ACER2: variants seen among roughly 807,000 people sequenced by gnomAD.
ACER2 encodes alkCDase 2.
ACER2 carries 26 observed loss-of-function variants against 34.7 expected under a neutral mutation model. That is an observed-to-expected ratio of 0.75 (90% CI 0.55 to 1.04). The LOEUF (loss-of-function observed/expected upper bound fraction) is 1.04, where lower values mean the gene tolerates loss of function less well. ACER2 is among the 50% of genes least tolerant of loss of function. ACER2 has a pLI of 0.00. For missense variants in ACER2, 352 were observed against 340.8 expected, an observed-to-expected ratio of 1.03 and a Z score of -0.26; for synonymous variants, 138 against 132.1, an observed-to-expected ratio of 1.04 and a Z score of -0.31.
intron 4 of ACER2, among the ~76,000 whole-genome samples, chr9:19,443,093 C>A (rs796083302): frequency 6.6e-6 from 1 of 152,144 alleles, no homozygotes; most frequent in Non-Finnish European, 1.5e-5. Context: ...TGCAGTGGCG[C>A]GATCTCGGCT....
intron 4 of ACER2, among the ~76,000 whole-genome samples, chr9:19,438,364 T>A (rs1347938745): frequency 2.0e-5 from 3 of 152,220 alleles, no homozygotes; most frequent in Non-Finnish European, 4.4e-5. Context: ...CTTCCTATTG[T>A]ATCTGTTTTT....
rs192232678 is a variant in ACER2, at chr9:19,424,679, A to G, written c.224-21A>G. Reference sequence around the variant, plus strand: ...GTCTCTTCTGTGGTGACCTTTTTTTATTGGTTGTAATTGATTCTAGGAATT... The same window carrying G: ...GTCTCTTCTGTGGTGACCTTTTTTTGTTGGTTGTAATTGATTCTAGGAATT... On this transcript the variant is annotated intron_variant, in intron 2 of 5. Coordinates refer to ENST00000340967, the MANE Select transcript of ACER2 (RefSeq NM_001010887.3). 5.8e-5 allele frequency: 93 copies of G among 1,610,382 alleles called. 1 individual carries two copies. In the East Asian group the frequency reaches 1.1e-3, roughly 19 times the overall value.
At chr9:19,431,443 T>C (rs898026545) in intron 3 of ACER2, among the ~76,000 whole-genome samples, 1 of 152,206 alleles carries the variant, frequency 6.6e-6, no homozygotes, top group African/African-American at 2.4e-5. Flanking sequence ...AGAGAGGTGA[T>C]GCACTTTGGG....
In ACER2 at chr9:19,445,282, G is replaced by A. The variant is rs1831318942; in HGVS notation, c.504-999G>A. 2.6e-5 allele frequency among the ~76,000 whole-genome samples: 4 copies of A among 152,234 alleles called. No individual in the cohort carries two copies. The South Asian group carries it at 8.3e-4, about 31-fold the overall frequency. ...TTTTTCAGAAAACCATTTTGTCCCAGTGTGTGTAAGAAGTTATTCCTTCAT... is the reference window on the plus strand; with the variant it reads ...TTTTTCAGAAAACCATTTTGTCCCAATGTGTGTAAGAAGTTATTCCTTCAT... On this transcript the variant is annotated intron_variant, in intron 4 of 5. Coordinates refer to ENST00000340967, the MANE Select transcript of ACER2 (RefSeq NM_001010887.3).
In ACER2 at chr9:19,421,189, C is replaced by T. The variant is rs542174787; in HGVS notation, c.109-2673C>T. Among the ~76,000 whole-genome samples the T allele has an allele frequency of 3.3e-5, 5 of 152,250 alleles. No homozygotes were observed. In the South Asian group the frequency reaches 1.0e-3, roughly 32 times the overall value. On this transcript the variant is annotated intron_variant, in intron 1 of 5. Coordinates refer to ENST00000340967, the MANE Select transcript of ACER2 (RefSeq NM_001010887.3). ...TCAGGAAAAATGTGGCATAAAAGCTCCATTATAATATGGGTCCACTGTCAT... is the reference window on the plus strand; with the variant it reads ...TCAGGAAAAATGTGGCATAAAAGCTTCATTATAATATGGGTCCACTGTCAT...
chr9:19,435,597 C>G (rs1303192734), intron 4 of ACER2, among the ~76,000 whole-genome samples: 3 of 152,110 alleles, frequency 2.0e-5, no homozygotes, highest in Non-Finnish European at 4.4e-5. Flanking sequence ...TACTCAAATG[C>G]AAAAATCAGC....
intron 1 of ACER2, among the ~76,000 whole-genome samples, chr9:19,412,250 G>A (rs1830107511): frequency 6.6e-6 from 1 of 152,098 alleles, no homozygotes; most frequent in Non-Finnish European, 1.5e-5. Flanking sequence ...ATATGATCAT[G>A]GTAAAAAATT....
At chr9:19,410,932 TC>T (rs1563869411) in intron 1 of ACER2, among the ~76,000 whole-genome samples, 1 of 152,054 alleles carries the variant, frequency 6.6e-6, no homozygotes, top group Non-Finnish European at 1.5e-5. Context: ...TCACCAGAGT[TC>T]AAGAAGAAAA....
chr9:19,420,039 G>C (rs1294436093), intron 1 of ACER2, among the ~76,000 whole-genome samples: 2 of 152,172 alleles, frequency 1.3e-5, no homozygotes, highest in African/African-American at 2.4e-5. Flanking sequence ...GAAGCTGCCA[G>C]TCCTCACTTG....
At chr9:19,437,531 C>G (rs1459499873) in intron 4 of ACER2, among the ~76,000 whole-genome samples, 1 of 152,204 alleles carries the variant, frequency 6.6e-6, no homozygotes, top group East Asian at 1.9e-4. Flanking sequence ...CCTCCAATCT[C>G]TTCTTTCAGA....
rs1003844791 is a variant in ACER2, at chr9:19,451,485, A to G, written c.*849A>G. On this transcript the variant is annotated 3_prime_UTR_variant, in exon 6 of 6. Coordinates refer to ENST00000340967, the MANE Select transcript of ACER2 (RefSeq NM_001010887.3). ...GTGGAGAGATGGAGAGACTTCAGAT[A>G]AACGTGAAGCTAATGAGTAAAACCC... 3 of 152,660 alleles carry G rather than the reference A, an allele frequency of 2.0e-5. No homozygotes were observed. The highest frequency in any genetic ancestry group is 1.3e-4 in the Admixed American group (2 of 15,294). The allele number at this position is 152,660 out of a possible 1,614,324, so 9.5% of individuals were successfully genotyped here.
chr9:19,424,498 T>G, intron 2 of ACER2: 1 of 985,402 alleles, frequency 1.0e-6, no homozygotes, highest in South Asian at 4.7e-5. Context: ...TGCTGATATT[T>G]GGGCCCTAGT....
intron 5 of ACER2, among the ~76,000 whole-genome samples, chr9:19,447,965 CT>C (rs1434700757): frequency 3.7e-5 from 4 of 108,360 alleles, no homozygotes; most frequent in African/African-American, 5.7e-5. Flanking sequence ...TATATGTCTA[CT>C]TTTAAAAAAA....
At chr9:19,446,773 A>C in intron 5 of ACER2, 1 of 428,210 alleles carries the variant, frequency 2.3e-6, no homozygotes, top group Non-Finnish European at 3.1e-6. Context: ...CTGGGGAAAG[A>C]GGTGATGTGA....
intron 4 of ACER2, among the ~76,000 whole-genome samples, chr9:19,439,165 C>G (rs1038930094): frequency 6.6e-6 from 1 of 152,126 alleles, no homozygotes; most frequent in African/African-American, 2.4e-5. Flanking sequence ...GAAAAGCTAG[C>G]CATCACTAAA....
chr9:19,418,675 C>T (rs1830312660), intron 1 of ACER2, among the ~76,000 whole-genome samples: 1 of 152,128 alleles, frequency 6.6e-6, no homozygotes, highest in African/African-American at 2.4e-5. Context: ...AGGGAAACAT[C>T]ACACACCGGG....
In ACER2 at chr9:19,430,559, C is replaced by T. The variant is rs146489125; in HGVS notation, c.366-4388C>T. On this transcript the variant is annotated intron_variant, in intron 3 of 5. Transcript: ENST00000340967. Reference sequence around the variant, plus strand: ...CTGGCCACATAGCCTCTGTTTACTTCTCCCGGCTGCTTGTGTTCACAGGAT... The same window carrying T: ...CTGGCCACATAGCCTCTGTTTACTTTTCCCGGCTGCTTGTGTTCACAGGAT... 1.4e-3 allele frequency among the ~76,000 whole-genome samples: 211 copies of T among 152,294 alleles called. 1 individual carries two copies. The highest frequency in any genetic ancestry group is 6.8e-3 in the Middle Eastern group (2 of 294).
intron 1 of ACER2, among the ~76,000 whole-genome samples, chr9:19,420,291 C>A (rs1830365074): frequency 6.6e-6 from 1 of 152,204 alleles, no homozygotes; most frequent in Non-Finnish European, 1.5e-5. Flanking sequence ...CCCTATTCAC[C>A]TATTTTTGAA....
At chr9:19,421,308 T>TG (rs928964210) in intron 1 of ACER2, among the ~76,000 whole-genome samples, 1 of 152,182 alleles carries the variant, frequency 6.6e-6, no homozygotes, top group South Asian at 2.1e-4. Flanking sequence ...ATTTTGTGTG[T>TG]GGGGGTGACA....
Sources: gnomAD v4.1 joint callset for allele counts (sites outside exome capture counted in the v4.1 genomes callset) on GRCh38, gnomAD v4.1.1 for gene constraint, MANE v1.5 for transcripts, NCBI Gene and HGNC (gene_info 2026-07-23, HGNC 2026-07-21) for gene names.